Variants in PCDHA3 observed in about 807,000 individuals in gnomAD.
The protein encoded by PCDHA3 is protocadherin alpha 3.
PCDHA3 carries 41 observed loss-of-function variants against 62.2 expected under a neutral mutation model. The observed-to-expected ratio is 0.66, with a 90% CI of 0.51 to 0.86. The LOEUF (loss-of-function observed/expected upper bound fraction) is 0.86, where lower values mean the gene tolerates loss of function less well. PCDHA3 is among the 40% of genes least tolerant of loss of function. The pLI, the probability that PCDHA3 is intolerant of heterozygous loss-of-function variation, is 0.00. For synonymous variants in PCDHA3, 640 were observed against 555.4 expected (o/e 1.15, Z -2.14); for missense variants, 1,304 against 1,241.2 (o/e 1.05, Z -0.76).
intron 1 of PCDHA3, chr5:140,809,155 G>A (rs567757480): frequency 3.1e-6 from 5 of 1,613,980 alleles, no homozygotes; most frequent in Non-Finnish European, 4.2e-6. Flanking sequence ...ACCACGGCGA[G>A]CCCGCGCTGA....
intron 1 of PCDHA3, among the ~76,000 whole-genome samples, chr5:140,950,482 T>C (rs1384931498): frequency 6.6e-6 from 1 of 152,106 alleles, no homozygotes; most frequent in African/African-American, 2.4e-5. Flanking sequence ...TGATGAGAAG[T>C]GTGTAGTCAT....
rs155802 is a variant in PCDHA3, at chr5:140,917,330, A to C, written c.2395-61619A>C. 5.0e-3 allele frequency among the ~76,000 whole-genome samples: 514 copies of C among 103,230 alleles called. 31 individuals carry two copies. The highest frequency in any genetic ancestry group is 8.4e-3 in the Non-Finnish European group (403 of 48,222). The allele number at this position is 103,230 out of a possible 152,430, so 67.7% of individuals were successfully genotyped here. A position where few individuals can be genotyped will look rare whatever the true frequency, so the allele number is the denominator to read the frequency against. On this transcript the variant is annotated intron_variant, in intron 1 of 3. Coordinates refer to ENST00000522353, the MANE Select transcript of PCDHA3 (RefSeq NM_018906.3). ...CAATTTGGTGTTCATGTGGCGGGGG[A>C]GGGGGGGGATGGTGTAGGCTTCTGT...
chr5:140,902,724 C>T (rs1463381369), intron 1 of PCDHA3, among the ~76,000 whole-genome samples: 6 of 148,640 alleles, frequency 4.0e-5, no homozygotes, highest in Admixed American at 3.3e-4. Context: ...TCCCACCCTT[C>T]CCTCCAAGTC....
chr5:140,932,975 A>G (rs2088770619), intron 1 of PCDHA3, among the ~76,000 whole-genome samples: 1 of 152,012 alleles, frequency 6.6e-6, no homozygotes, highest in African/African-American at 2.4e-5. Flanking sequence ...GGTTTTTACA[A>G]TGCTCAAATG....
rs1554225842 is a variant in PCDHA3 at position 140,962,164 on chromosome 5, C to T, written c.2395-16785C>T. Among the ~76,000 whole-genome samples the T allele has an allele frequency of 2.0e-5, 3 of 152,236 alleles. No individual in the cohort carries two copies. In the South Asian group the frequency reaches 6.2e-4, roughly 32 times the overall value. On this transcript the variant is annotated intron_variant, in intron 1 of 3. Transcript: ENST00000522353. ...TGCTGGGATTACAGGCGTGAGCCAC[C>T]ACACCCGGCCACTTATATCACTTTT...
rs2150379326 is a variant in PCDHA3, at chr5:140,845,496, G to C, written c.2394+41905G>C. ...GGGGTTGTGCTTTCACAGTGAGAAA[G>C]TCTAAACCTATTTCTTGTACATTAA... On this transcript the variant is annotated intron_variant, in intron 1 of 3. Transcript: ENST00000522353. Among the ~76,000 whole-genome samples, 24 of 149,650 alleles carry C rather than the reference G, an allele frequency of 1.6e-4. 3 individuals are homozygous for C. Among genetic ancestry groups the C allele is most frequent in the Non-Finnish European group, 3.4e-4 (23 of 66,862 alleles).
intron 1 of PCDHA3, chr5:140,855,863 C>T (rs1435848910): frequency 2.6e-6 from 2 of 763,574 alleles, no homozygotes; most frequent in East Asian, 2.7e-5. Context: ...ATGTCGCTGT[C>T]GTCCACAAAA....
At position 140,850,257 on chromosome 5, in the gene PCDHA3, G is replaced by A. The variant is rs1371110095; in HGVS notation, c.2394+46666G>A. ...GATGGTGCTGCGGTCGGTGGGCGCC[G>A]GCGTAGTGGTGGGGAAGGTGCGCGC... On this transcript the variant is annotated intron_variant, in intron 1 of 3. Coordinates refer to ENST00000522353, the MANE Select transcript of PCDHA3 (RefSeq NM_018906.3). The A allele has an allele frequency of 6.3e-6, 10 of 1,594,146 alleles. 2 individuals are homozygous for A. Among genetic ancestry groups the A allele is most frequent in the African/African-American group, 1.3e-5 (1 of 74,268 alleles).
chr5:140,915,638 C>CTT (rs1183097723), intron 1 of PCDHA3, among the ~76,000 whole-genome samples: 1 of 151,724 alleles, frequency 6.6e-6, no homozygotes, highest in African/African-American at 2.4e-5. Context: ...CTCTCTCTCT[C>CTT]TCTCTCTCTC....
At chr5:140,979,690 A>G (rs2096860224) in intron 2 of PCDHA3, among the ~76,000 whole-genome samples, 1 of 152,252 alleles carries the variant, frequency 6.6e-6, no homozygotes, top group Non-Finnish European at 1.5e-5. Context: ...ATTAACTACC[A>G]TTATTTCTGG....
At chr5:140,885,738 C>T (rs1160742683) in intron 1 of PCDHA3, among the ~76,000 whole-genome samples, 5 of 151,978 alleles carry the variant, frequency 3.3e-5, no homozygotes, top group African/African-American at 1.2e-4. Flanking sequence ...TGATATTTCA[C>T]TGTTACTTTA....
At chr5:140,996,431 T>C (rs1294673547) in intron 3 of PCDHA3, among the ~76,000 whole-genome samples, 1 of 152,182 alleles carries the variant, frequency 6.6e-6, no homozygotes, top group African/African-American at 2.4e-5. Flanking sequence ...ACTTTGGGAA[T>C]AGTCAGTGTC....
At chr5:140,808,922 G>A (rs782455168) in intron 1 of PCDHA3, 35 of 1,613,564 alleles carry the variant, frequency 2.2e-5, no homozygotes, top group Middle Eastern at 1.6e-4. Flanking sequence ...CGCAGTGAGC[G>A]AGCTGGTGCC....
chr5:140,805,654 T>C, intron 1 of PCDHA3: 5 of 854,732 alleles, frequency 5.8e-6, no homozygotes, highest in Non-Finnish European at 7.0e-6. Flanking sequence ...GAAGTCTTCA[T>C]TCCCCATTAA....
Position 140,857,895 on chromosome 5 carries a change from G to C in PCDHA3, c.2394+54304G>C. 1.3e-6 allele frequency: 2 copies of C among 1,597,868 alleles called. 1 individual carries two copies. The highest frequency in any genetic ancestry group is 2.2e-5 in the South Asian group (2 of 90,498). ...TATGAATTGCAGTCGGCGGCGGTTG[G>C]TGCACGCATCCCGTTTCGCGTGGGG... On this transcript the variant is annotated intron_variant, in intron 1 of 3. Coordinates refer to ENST00000522353, the MANE Select transcript of PCDHA3 (RefSeq NM_018906.3).
intron 1 of PCDHA3, chr5:140,884,043 C>A (rs1196406346): frequency 6.2e-7 from 1 of 1,613,248 alleles, no homozygotes; most frequent in African/African-American, 1.3e-5. Flanking sequence ...CACGTGGTGG[C>A]GAAGGTGCGC....
At chr5:140,910,690 G>T (rs2153515620) in intron 1 of PCDHA3, among the ~76,000 whole-genome samples, 1 of 152,224 alleles carries the variant, frequency 6.6e-6, no homozygotes, top group African/African-American at 2.4e-5. Context: ...GGCATTTCCA[G>T]CTTGCTCACA....
intron 3 of PCDHA3, among the ~76,000 whole-genome samples, chr5:140,991,403 C>A (rs1230118485): frequency 6.6e-6 from 1 of 152,116 alleles, no homozygotes; most frequent in African/African-American, 2.4e-5. Context: ...TATTTATTTC[C>A]CATTATGCTA....
chr5:140,870,947 G>A lies in PCDHA3; in HGVS notation c.2394+67356G>A. ...TCATATGAATTGCAGCCGGCGGCGGGCGGCTCGCGCATCCCGTTCCGCGTG... is the reference window on the plus strand; with the variant it reads ...TCATATGAATTGCAGCCGGCGGCGGACGGCTCGCGCATCCCGTTCCGCGTG... On this transcript the variant is annotated intron_variant, in intron 1 of 3. Coordinates refer to ENST00000522353, the MANE Select transcript of PCDHA3 (RefSeq NM_018906.3). The A allele has an allele frequency of 6.2e-7, 1 of 1,613,700 alleles. No homozygotes were observed. Among genetic ancestry groups the A allele is most frequent in the Non-Finnish European group, 8.5e-7 (1 of 1,179,896 alleles).
Sources: allele counts gnomAD v4.1 joint callset (sites outside exome capture counted in the v4.1 genomes callset), GRCh38; gene constraint gnomAD v4.1.1; transcripts MANE v1.5; gene names NCBI Gene and HGNC (gene_info 2026-07-23, HGNC 2026-07-21).